RAMP1: variants seen among roughly 807,000 people sequenced by gnomAD.
RAMP1 encodes the protein receptor activity modifying protein 1, also known as receptor activity-modifying protein 1.
Under a neutral mutation model 8.2 loss-of-function variants are expected in RAMP1, and 7 were observed. That is an observed-to-expected ratio of 0.85 (90% CI 0.49 to 1.60). RAMP1 has a LOEUF of 1.60. Ranked by LOEUF, RAMP1 falls within the 40% of genes most tolerant of loss-of-function variation. The pLI, the probability that RAMP1 is intolerant of heterozygous loss-of-function variation, is 0.00. For synonymous variants in RAMP1, 92 were observed against 84.7 expected (o/e 1.09, Z -0.47); for missense variants, 192 against 202.4 (o/e 0.95, Z 0.31).
At chr2:237,909,456 A>G (rs1374189804) in intron 2 of RAMP1, among the ~76,000 whole-genome samples, 2 of 152,152 alleles carry the variant, frequency 1.3e-5, no homozygotes, top group Non-Finnish European at 2.9e-5. Context: ...AGACCCCTTC[A>G]GGCCATCAGT....
intron 1 of RAMP1, among the ~76,000 whole-genome samples, chr2:237,871,928 T>C (rs1166260629): frequency 1.3e-5 from 2 of 152,154 alleles, no homozygotes; most frequent in Non-Finnish European, 2.9e-5. Context: ...TTACTAACAA[T>C]CATTGAATTG....
intron 1 of RAMP1, among the ~76,000 whole-genome samples, chr2:237,867,149 C>T (rs1017629756): frequency 1.3e-5 from 2 of 152,146 alleles, no homozygotes; most frequent in Non-Finnish European, 2.9e-5. Context: ...GTGGGAGGAT[C>T]GCTTGAGTCC....
intron 2 of RAMP1, among the ~76,000 whole-genome samples, chr2:237,889,079 A>AAT (rs1184382094): frequency 6.6e-6 from 1 of 152,208 alleles, no homozygotes; most frequent in East Asian, 1.9e-4. Context: ...ATTCTTGAAG[A>AAT]ATATATATAT....
chr2:237,883,912 CTTTTTTTTTT>C (rs34291315), intron 2 of RAMP1, among the ~76,000 whole-genome samples: 3 of 93,008 alleles, frequency 3.2e-5, no homozygotes, highest in African/African-American at 5.3e-5. Flanking sequence ...TGTAGGTCCA[CTTTTTTTTTT>C]TTTTTTTTTT....
chr2:237,870,738 G>A (rs1230239634), intron 1 of RAMP1, among the ~76,000 whole-genome samples: 1 of 152,214 alleles, frequency 6.6e-6, no homozygotes, highest in Non-Finnish European at 1.5e-5. Flanking sequence ...AGGGTACTGT[G>A]TGCAGTCAGG....
chr2:237,902,456 G>A (rs998748411), intron 2 of RAMP1, among the ~76,000 whole-genome samples: 4 of 151,776 alleles, frequency 2.6e-5, no homozygotes, highest in African/African-American at 7.3e-5. Flanking sequence ...AGGACGCAGA[G>A]GTCTCCGCAG....
chr2:237,859,278 GC>G (rs984072400), upstream of RAMP1, among the ~76,000 whole-genome samples: 26 of 152,352 alleles, frequency 1.7e-4, no homozygotes, highest in African/African-American at 6.3e-4. Context: ...AGGCAGGAAC[GC>G]CCAGAACCTC....
At chr2:237,902,407 G>A (rs1314410318) in intron 2 of RAMP1, among the ~76,000 whole-genome samples, 1 of 151,132 alleles carries the variant, frequency 6.6e-6, no homozygotes, top group African/African-American at 2.4e-5. Context: ...GGAGGGGCCA[G>A]AAGGACAGGG....
chr2:237,869,720 A>C (rs554882366), intron 1 of RAMP1, among the ~76,000 whole-genome samples: 6 of 152,338 alleles, frequency 3.9e-5, no homozygotes, highest in Admixed American at 2.6e-4. Flanking sequence ...TGCTGTGAAC[A>C]TGGGTGTTCA....
At chr2:237,859,611 C>A, upstream of RAMP1, 1 of 1,186,260 alleles carries the variant, frequency 8.4e-7, no homozygotes, top group Non-Finnish European at 1.1e-6. Context: ...GGGCCCGCGC[C>A]GCGGCGGGCT....
chr2:237,876,153 G>A (rs752337768), intron 1 of RAMP1, among the ~76,000 whole-genome samples: 37 of 152,168 alleles, frequency 2.4e-4, no homozygotes, highest in Non-Finnish European at 4.0e-4. Context: ...TCAGCAGTCC[G>A]AGGGGCCCCT....
At chr2:237,897,165 G>A (rs551871399) in intron 2 of RAMP1, among the ~76,000 whole-genome samples, 1 of 152,314 alleles carries the variant, frequency 6.6e-6, no homozygotes, top group African/African-American at 2.4e-5. Context: ...CACGGGCCCC[G>A]CCTGGGCCTC....
At chr2:237,888,253 C>T (rs893389743) in intron 2 of RAMP1, among the ~76,000 whole-genome samples, 1 of 152,104 alleles carries the variant, frequency 6.6e-6, no homozygotes, top group African/African-American at 2.4e-5. Flanking sequence ...CAGGGTTTCA[C>T]TATGTTGGCC....
intron 2 of RAMP1, among the ~76,000 whole-genome samples, chr2:237,883,741 G>C (rs2062397224): frequency 2.0e-5 from 3 of 150,290 alleles, no homozygotes; most frequent in Admixed American, 6.6e-5. Context: ...ACTCAAGCCT[G>C]AGAGGTCAAG....
At chr2:237,881,517 A>G (rs1576543160) in intron 2 of RAMP1, among the ~76,000 whole-genome samples, 1 of 152,258 alleles carries the variant, frequency 6.6e-6, no homozygotes, top group East Asian at 1.9e-4. Context: ...CAGAAGGCTG[A>G]TGCCAGTTTG....
intron 2 of RAMP1, among the ~76,000 whole-genome samples, chr2:237,898,257 G>A (rs986897285): frequency 6.6e-6 from 1 of 152,208 alleles, no homozygotes; most frequent in Non-Finnish European, 1.5e-5. Context: ...ATATTCATTT[G>A]CATGCAGTGA....
rs938659930 is a variant in RAMP1 at position 237,897,753 on chromosome 2, C to G, written c.192-13775C>G. On this transcript the variant is annotated intron_variant, in intron 2 of 2. Transcript: ENST00000254661. The stretch of plus-strand genomic sequence containing the variant: ...TGCTCTCGTGGATGCTGTCATTCTT[C>G]TTTTTTTGTTTGTTTTGGTTTTTTG... 1.6e-4 allele frequency among the ~76,000 whole-genome samples: 22 copies of G among 135,854 alleles called. No individual in the cohort carries two copies. In the South Asian group the frequency reaches 3.4e-3, roughly 21 times the overall value. The allele number at this position is 135,854 out of a possible 152,430, so 89.1% of individuals were successfully genotyped here. A position where few individuals can be genotyped will look rare whatever the true frequency, so the allele number is the denominator to read the frequency against.
Position 237,877,155 on chromosome 2 carries a change from C to G in RAMP1, c.53-69C>G. On this transcript the variant is annotated intron_variant, in intron 1 of 2. Transcript: ENST00000254661. This position sits in a 1 kb window ranked among gnomAD's most constrained non-coding sequence, Gnocchi z 4.4. ...GTGGAGTCCGGGCTGCAGGGGCGCG[C>G]GGGCTGGCGGTGATACCCCTAGGCC... The G allele has an allele frequency of 1.9e-6, 3 of 1,603,334 alleles. No individual in the cohort carries two copies. Among genetic ancestry groups the G allele is most frequent in the Non-Finnish European group, 1.7e-6 (2 of 1,176,374 alleles).
chr2:237,897,777 TG>T (rs11404748), intron 2 of RAMP1, among the ~76,000 whole-genome samples: 34,422 of 140,886 alleles, frequency 0.24, 4,720 homozygotes, highest in East Asian at 0.33. Flanking sequence ...TTTGGTTTTT[TG>T]GGGGGGGGTT....
Sources: allele counts gnomAD v4.1 joint callset (sites outside exome capture counted in the v4.1 genomes callset), GRCh38; gene constraint gnomAD v4.1.1; non-coding constraint Gnocchi (gnomAD v3.1); transcripts MANE v1.5; gene names NCBI Gene and HGNC (gene_info 2026-07-23, HGNC 2026-07-21).